The following ZNF365 variants were observed in gnomAD, a reference collection of about 807,000 sequenced individuals.
ZNF365 encodes zinc finger protein 365.
In ZNF365, 22 loss-of-function variants were observed where a neutral mutation model predicts 35.0. The observed-to-expected ratio is 0.63, with a 90% confidence interval of 0.45 to 0.90. The LOEUF (loss-of-function observed/expected upper bound fraction) is 0.90. Ranked by LOEUF, ZNF365 falls within the 40% of genes least tolerant of loss-of-function variation. ZNF365 has a pLI of 0.00. For synonymous variants in ZNF365, 188 were observed against 196.2 expected, an observed-to-expected ratio of 0.96 and a Z score of 0.35; for missense variants, 448 against 500.3, an observed-to-expected ratio of 0.90 and a Z score of 1.00.
intron 2 of ZNF365, among the ~76,000 whole-genome samples, chr10:62,379,298 A>G (rs981268932): frequency 1.3e-5 from 2 of 152,168 alleles, no homozygotes; most frequent in Non-Finnish European, 2.9e-5. Context: ...TGCTGGGATT[A>G]TAGTTGTAAG....
At chr10:62,431,237 A>G (rs2132456356) in intron 3 of ZNF365, among the ~76,000 whole-genome samples, 1 of 152,296 alleles carries the variant, frequency 6.6e-6, no homozygotes, top group East Asian at 1.9e-4. Flanking sequence ...CTTTCTTCCT[A>G]CTTAAGAAAT....
intron 4 of ZNF365, among the ~76,000 whole-genome samples, chr10:62,462,912 A>C (rs1840871192): frequency 6.6e-6 from 1 of 152,204 alleles, no homozygotes; most frequent in South Asian, 2.1e-4. Flanking sequence ...CCAGCTTGGG[A>C]TGGATATGTC....
intron 4 of ZNF365, among the ~76,000 whole-genome samples, chr10:62,464,198 A>G (rs1156312136): frequency 6.6e-6 from 1 of 152,076 alleles, no homozygotes; most frequent in African/African-American, 2.4e-5. Context: ...TTCCTATGCA[A>G]TTCATTCTTC....
At chr10:62,420,276 A>T (rs991174318) in intron 3 of ZNF365, among the ~76,000 whole-genome samples, 3 of 152,200 alleles carry the variant, frequency 2.0e-5, no homozygotes, top group Admixed American at 2.0e-4. Context: ...TTTGAAATTA[A>T]CTCGTAATAA....
intron 3 of ZNF365, among the ~76,000 whole-genome samples, chr10:62,394,116 AT>A (rs1375790816): frequency 2.0e-5 from 3 of 152,120 alleles, no homozygotes; most frequent in African/African-American, 7.2e-5. Context: ...AATGTTTCAG[AT>A]TTTAGATTTT....
In ZNF365 at chr10:62,401,817, C is replaced by G. The variant is rs1564575374; in HGVS notation, c.*2028C>G. 2.0e-6 allele frequency: 2 copies of G among 985,434 alleles called. No homozygotes were observed. The highest frequency in any genetic ancestry group is 2.4e-6 in the Non-Finnish European group (2 of 829,926). 61.0% of individuals were successfully genotyped at this position (985,434 alleles called of 1,614,324 possible). A position where few individuals can be genotyped will look rare whatever the true frequency, so the allele number is the denominator to read the frequency against. On this transcript the variant is annotated 3_prime_UTR_variant, in exon 5 of 5. Coordinates refer to ENST00000395254, the MANE Select transcript of ZNF365 (RefSeq NM_014951.3). Reference sequence around the variant, plus strand: ...CTAACATAGAGGGCATGGCAACTCTCTTTGACAGTGGTACCCCATGATCTT... The same window carrying G: ...CTAACATAGAGGGCATGGCAACTCTGTTTGACAGTGGTACCCCATGATCTT...
Position 62,383,903 on chromosome 10 carries a change from T to A in ZNF365, c.744-4493T>A, listed in dbSNP as rs575008607. 2.0e-5 allele frequency among the ~76,000 whole-genome samples: 3 copies of A among 152,292 alleles called. No individual in the cohort carries two copies. The South Asian group carries it at 6.2e-4, about 32-fold the overall frequency. On this transcript the variant is annotated intron_variant, in intron 2 of 4. Coordinates refer to ENST00000395254, the MANE Select transcript of ZNF365 (RefSeq NM_014951.3). ...GGCTCTCTGGAAAGGGCTTTTTCCCTCATTGCTCCTCTTCTACTGTGTTGG... is the reference window on the plus strand; with the variant it reads ...GGCTCTCTGGAAAGGGCTTTTTCCCACATTGCTCCTCTTCTACTGTGTTGG...
chr10:62,382,712 G>A (rs535838411), intron 2 of ZNF365, among the ~76,000 whole-genome samples: 53 of 152,332 alleles, frequency 3.5e-4, no homozygotes, highest in Non-Finnish European at 6.9e-4. Context: ...CGGAAAGAGA[G>A]CGCAGGAGCC....
In ZNF365 at chr10:62,402,145, G is replaced by A. The variant is rs959310003; in HGVS notation, c.*2356G>A. 20 of 985,708 alleles carry A rather than the reference G, an allele frequency of 2.0e-5. No individual in the cohort carries two copies. Among genetic ancestry groups the A allele is most frequent in the Admixed American group, 6.2e-5 (1 of 16,240 alleles). 61.1% of individuals were successfully genotyped at this position (985,708 alleles called of 1,614,324 possible). On this transcript the variant is annotated 3_prime_UTR_variant, in exon 5 of 5. Coordinates refer to ENST00000395254, the MANE Select transcript of ZNF365 (RefSeq NM_014951.3). ...GGGCCGTTGACCTTAGAGTTAAGGCGGTTGCTTTTTTGAAGAAATCACCAA... is the reference window on the plus strand; with the variant it reads ...GGGCCGTTGACCTTAGAGTTAAGGCAGTTGCTTTTTTGAAGAAATCACCAA...
intron 4 of ZNF365, among the ~76,000 whole-genome samples, chr10:62,464,202 A>T (rs972186323): frequency 3.3e-5 from 5 of 152,174 alleles, no homozygotes; most frequent in Non-Finnish European, 7.4e-5. Context: ...TATGCAATTC[A>T]TTCTTCCTGC....
chr10:62,401,707 A>G lies in ZNF365; in HGVS notation c.*1918A>G. 1.0e-6 allele frequency: 1 copy of G among 985,510 alleles called. No homozygotes were observed. Among genetic ancestry groups the G allele is most frequent in the African/African-American group, 1.7e-5 (1 of 57,346 alleles). 61.0% of individuals were successfully genotyped at this position (985,510 alleles called of 1,614,324 possible). On this transcript the variant is annotated 3_prime_UTR_variant, in exon 5 of 5. Transcript: ENST00000395254. ...ACTAAAAACATGACTTGTTAGTTGTATTGCATGCTCTTTGTCCTGTAATGT... is the reference window on the plus strand; with the variant it reads ...ACTAAAAACATGACTTGTTAGTTGTGTTGCATGCTCTTTGTCCTGTAATGT...
intron 2 of ZNF365, among the ~76,000 whole-genome samples, chr10:62,381,101 A>G (rs1356580354): frequency 1.3e-5 from 2 of 152,186 alleles, no homozygotes; most frequent in African/African-American, 4.8e-5. Context: ...GTGCCTCAAT[A>G]TAAGCCACAG....
chr10:62,420,394 G>A (rs1327185033), intron 3 of ZNF365, among the ~76,000 whole-genome samples: 1 of 152,114 alleles, frequency 6.6e-6, no homozygotes, highest in Non-Finnish European at 1.5e-5. Context: ...CACCATCTTT[G>A]TAACACTGAG....
chr10:62,423,574 T>TCCTAGAGTTAGTG (rs1840207102), intron 3 of ZNF365, among the ~76,000 whole-genome samples: 3 of 152,214 alleles, frequency 2.0e-5, no homozygotes, highest in Non-Finnish European at 1.5e-5. Flanking sequence ...ATGTGACATG[T>TCCTAGAGTTAGTG]GCTCATCTTG....
intron 4 of ZNF365, among the ~76,000 whole-genome samples, chr10:62,475,584 AG>A (rs1841116202): frequency 6.6e-6 from 1 of 152,222 alleles, no homozygotes. Flanking sequence ...CTCTCAGGTC[AG>A]GGTAGAAGAG....
downstream of ZNF365, among the ~76,000 whole-genome samples, chr10:62,405,214 A>G (rs553642133): frequency 6.6e-6 from 1 of 152,314 alleles, no homozygotes; most frequent in East Asian, 1.9e-4. Context: ...CTGGAAGATA[A>G]ATTGGCAATG....
At chr10:62,462,948 G>A (rs187708197) in intron 4 of ZNF365, among the ~76,000 whole-genome samples, 1 of 152,280 alleles carries the variant, frequency 6.6e-6, no homozygotes, top group East Asian at 1.9e-4. Flanking sequence ...TCTGAAAGGT[G>A]AGCTCATGTC....
chr10:62,473,799 C>A (rs1272685579), intron 4 of ZNF365, among the ~76,000 whole-genome samples: 1 of 152,120 alleles, frequency 6.6e-6, no homozygotes, highest in Non-Finnish European at 1.5e-5. Context: ...CAAAGAGGAG[C>A]TCAAATAATA....
intron 3 of ZNF365, among the ~76,000 whole-genome samples, chr10:62,397,505 A>G (rs2132426985): frequency 6.6e-6 from 1 of 152,354 alleles, no homozygotes; most frequent in East Asian, 1.9e-4. Flanking sequence ...AGTGAAAACT[A>G]CATGAGGAAG....
Sources: gnomAD v4.1 joint callset for allele counts (sites outside exome capture counted in the v4.1 genomes callset) on GRCh38, gnomAD v4.1.1 for gene constraint, MANE v1.5 for transcripts, NCBI Gene and HGNC (gene_info 2026-07-23, HGNC 2026-07-21) for gene names.